Variants in PPP1R9A observed in about 807,000 individuals in gnomAD.
PPP1R9A encodes the protein neurabin-1.
A neutral mutation model predicts 141.9 loss-of-function variants in PPP1R9A; 59 were observed. The observed-to-expected ratio is 0.42, with a 90% CI of 0.34 to 0.52. The LOEUF (loss-of-function observed/expected upper bound fraction) is 0.52, where lower values mean the gene tolerates loss of function less well. Among genes scored for constraint, PPP1R9A ranks in the 20% least tolerant of loss-of-function variants. PPP1R9A has a pLI of 0.10. For synonymous variants in PPP1R9A, 500 were observed against 569.7 expected (o/e 0.88, Z 1.74); for missense variants, 1,444 against 1,611.9 (o/e 0.90, Z 1.78).
intron 2 of PPP1R9A, among the ~76,000 whole-genome samples, chr7:95,042,200 C>G (rs1809346007): frequency 6.6e-6 from 1 of 152,094 alleles, no homozygotes; most frequent in South Asian, 2.1e-4. Context: ...CAAAAATATT[C>G]CGTTTTCCAG....
At chr7:95,249,933 A>C (rs1798641068) in intron 9 of PPP1R9A, 93 bp from the exon 10 acceptor site, 2 of 1,440,372 alleles carry the variant, frequency 1.4e-6, no homozygotes, top group East Asian at 5.0e-5. Context: ...TGTTTATGAT[A>C]ATAGAACTTG....
intron 5 of PPP1R9A, among the ~76,000 whole-genome samples, chr7:95,194,053 C>T (rs1449714120): frequency 6.6e-6 from 1 of 151,950 alleles, no homozygotes; most frequent in Non-Finnish European, 1.5e-5. Flanking sequence ...AACTGCTACC[C>T]TCAATTTCCT....
intron 7 of PPP1R9A, among the ~76,000 whole-genome samples, chr7:95,215,790 A>G (rs990084184): frequency 6.6e-6 from 1 of 152,168 alleles, no homozygotes; most frequent in Non-Finnish European, 1.5e-5. Flanking sequence ...GTGTATGTTC[A>G]TATCCTTCGC....
intron 2 of PPP1R9A, among the ~76,000 whole-genome samples, chr7:94,954,638 AATT>A (rs1796870448): frequency 6.6e-6 from 1 of 151,628 alleles, no homozygotes; most frequent in African/African-American, 2.4e-5. Context: ...GATTTATTAT[AATT>A]ATTAATATAT....
At chr7:94,907,553 C>A (rs923501107), upstream of PPP1R9A, 1 of 152,140 alleles carries the variant, frequency 6.6e-6, no homozygotes, top group African/African-American at 2.4e-5. Context: ...AGGCCCCTCG[C>A]CCACGGCCGA....
At chr7:95,001,242 G>A (rs1041113178) in intron 2 of PPP1R9A, among the ~76,000 whole-genome samples, 2 of 152,120 alleles carry the variant, frequency 1.3e-5, no homozygotes, top group Admixed American at 1.3e-4. Flanking sequence ...TGCATGATAA[G>A]TAACATTTCT....
At chr7:95,252,396 T>C (rs1799000730) in intron 12 of PPP1R9A, among the ~76,000 whole-genome samples, 1 of 151,696 alleles carries the variant, frequency 6.6e-6, no homozygotes, top group South Asian at 2.1e-4. Flanking sequence ...TTTAATAAAC[T>C]GCCTTACAAA....
chr7:95,083,714 C>A (rs1167913779), intron 2 of PPP1R9A, among the ~76,000 whole-genome samples: 2 of 151,954 alleles, frequency 1.3e-5, no homozygotes, highest in Non-Finnish European at 2.9e-5. Flanking sequence ...AACAAACAAT[C>A]TCAACCACCT....
At chr7:95,071,708 A>C (rs1813838722) in intron 2 of PPP1R9A, among the ~76,000 whole-genome samples, 1 of 151,960 alleles carries the variant, frequency 6.6e-6, no homozygotes. Flanking sequence ...GTAAAATTTA[A>C]ATCTGTATTA....
At chr7:95,098,685 T>A (rs1332042453) in intron 2 of PPP1R9A, among the ~76,000 whole-genome samples, 8 of 152,206 alleles carry the variant, frequency 5.3e-5, no homozygotes. Flanking sequence ...TTGTTTCTGA[T>A]GACCTCCTTG....
chr7:95,265,353 G>A (rs854519), intron 12 of PPP1R9A, among the ~76,000 whole-genome samples: 53,652 of 152,000 alleles, frequency 0.35, 10,360 homozygotes, highest in Middle Eastern at 0.49. Flanking sequence ...ACTGTGTGGT[G>A]CAAGTTAATA....
intron 5 of PPP1R9A, among the ~76,000 whole-genome samples, chr7:95,184,838 A>G (rs924088375): frequency 2.7e-4 from 41 of 152,108 alleles, no homozygotes; most frequent in Non-Finnish European, 1.5e-4. Flanking sequence ...TGCTGTATAT[A>G]TATGTACCAG....
At chr7:95,132,351 G>T (rs1372898286) in intron 4 of PPP1R9A, among the ~76,000 whole-genome samples, 1 of 152,028 alleles carries the variant, frequency 6.6e-6, no homozygotes. Context: ...TTATTTTGAG[G>T]TATGTTTCTT....
At chr7:95,226,200 TA>T in intron 8 of PPP1R9A, 84 bp downstream of exon 8, 1 of 1,348,888 alleles carries the variant, frequency 7.4e-7, no homozygotes, top group Non-Finnish European at 9.9e-7. Flanking sequence ...ATATTAAGAA[TA>T]ATCAGTTTGC....
intron 5 of PPP1R9A, 118 bp from the exon 6 acceptor site, chr7:95,198,231 G>T: frequency 1.1e-6 from 1 of 888,780 alleles, no homozygotes; most frequent in South Asian, 3.0e-5. Flanking sequence ...GAAGTACGTA[G>T]GTGATATTAC....
At chr7:95,263,254 C>T (rs973601557) in intron 12 of PPP1R9A, among the ~76,000 whole-genome samples, 4 of 152,142 alleles carry the variant, frequency 2.6e-5, no homozygotes, top group Non-Finnish European at 5.9e-5. Flanking sequence ...TTTAACTACG[C>T]AAGTAATACA....
At chr7:95,081,337 T>C (rs746177766) in intron 2 of PPP1R9A, among the ~76,000 whole-genome samples, 1 of 152,138 alleles carries the variant, frequency 6.6e-6, no homozygotes. Flanking sequence ...AATGGAAGAA[T>C]TAGTATACAA....
chr7:94,944,746 T>A (rs772074264), intron 2 of PPP1R9A, among the ~76,000 whole-genome samples: 12 of 152,088 alleles, frequency 7.9e-5, no homozygotes, highest in Non-Finnish European at 1.3e-4. Context: ...TGCCTGGATT[T>A]GCTATTCCAG....
intron 2 of PPP1R9A, among the ~76,000 whole-genome samples, chr7:95,102,601 A>G (rs1475814780): frequency 6.6e-6 from 1 of 152,166 alleles, no homozygotes; most frequent in African/African-American, 2.4e-5. Context: ...GTTTCCCCTC[A>G]ATATTCTTTC....
Sources: allele counts gnomAD v4.1 joint callset (sites outside exome capture counted in the v4.1 genomes callset), GRCh38; gene constraint gnomAD v4.1.1; transcripts MANE v1.5; gene names NCBI Gene and HGNC (gene_info 2026-07-23, HGNC 2026-07-21).